The following CUL2 variants were observed in gnomAD, a reference collection of about 807,000 sequenced individuals.
The protein encoded by CUL2 is cullin 2.
A neutral mutation model predicts 110.2 loss-of-function variants in CUL2; 22 were observed. The ratio of observed to expected loss-of-function variants is 0.20; its 90% CI spans 0.14 to 0.28. The LOEUF is 0.28. CUL2 is among the 10% of genes least tolerant of loss of function. CUL2 has a pLI of 1.00. For synonymous variants in CUL2, 279 were observed against 293.2 expected, an observed-to-expected ratio of 0.95 and a Z score of 0.49; for missense variants, 631 against 905.5, an observed-to-expected ratio of 0.70 and a Z score of 3.89.
chr10:35,069,927 T>A (rs1054456144), intron 2 of CUL2, among the ~76,000 whole-genome samples: 6 of 152,172 alleles, frequency 3.9e-5, no homozygotes, highest in African/African-American at 1.4e-4. Context: ...CCCAAATCAA[T>A]CCATAATGTT....
chr10:35,083,714 C>A (rs1036120542), intron 1 of CUL2, among the ~76,000 whole-genome samples: 9 of 152,134 alleles, frequency 5.9e-5, no homozygotes, highest in Non-Finnish European at 8.8e-5. Flanking sequence ...GATTATAAAC[C>A]ATAGGCGGGT....
intron 1 of CUL2, among the ~76,000 whole-genome samples, chr10:35,073,397 A>T (rs1045260558): frequency 6.6e-6 from 1 of 151,998 alleles, no homozygotes; most frequent in African/African-American, 2.4e-5. Context: ...TATTTCCTGA[A>T]TCCATCCATA....
At chr10:35,024,245 G>A (rs561786647) in intron 17 of CUL2, among the ~76,000 whole-genome samples, 65 of 152,164 alleles carry the variant, frequency 4.3e-4, no homozygotes, top group African/African-American at 1.5e-3. Context: ...AGTAAAGATC[G>A]ACTTATATAA....
At position 35,009,203 on chromosome 10, in the gene CUL2, AT is replaced by A. The variant is rs2084836405; in HGVS notation, c.*1107del. 7.8e-6 allele frequency: 1 copy of A among 127,476 alleles called. No individual in the cohort carries two copies. Among genetic ancestry groups the A allele is most frequent in the African/African-American group, 3.5e-5 (1 of 28,692 alleles). The allele number at this position is 127,476 out of a possible 1,614,324, so 7.9% of individuals were successfully genotyped here. On this transcript the variant is annotated 3_prime_UTR_variant, in exon 21 of 21. Transcript: ENST00000374749. ...GTTGAGATATATATATATATATATT[AT>A]ATATATATATATATATAAAATAAAC...
At chr10:35,109,654 G>T (rs750984751) in intron 1 of CUL2, among the ~76,000 whole-genome samples, 1 of 152,226 alleles carries the variant, frequency 6.6e-6, no homozygotes, top group Admixed American at 6.5e-5. Flanking sequence ...TTTCCAAACA[G>T]TGGGAGCAGC....
intron 1 of CUL2, among the ~76,000 whole-genome samples, chr10:35,080,212 G>A (rs1158905424): frequency 6.6e-6 from 1 of 152,104 alleles, no homozygotes; most frequent in Non-Finnish European, 1.5e-5. Context: ...GACCAAATAT[G>A]TTGCCATCAT....
chr10:35,012,991 T>C (rs2084941469), intron 19 of CUL2, among the ~76,000 whole-genome samples: 1 of 152,172 alleles, frequency 6.6e-6, no homozygotes, highest in Non-Finnish European at 1.5e-5. Context: ...CCCAGGTGGC[T>C]CATTTGCATA....
chr10:35,109,480 A>G (rs1814686867), intron 1 of CUL2, among the ~76,000 whole-genome samples: 1 of 152,244 alleles, frequency 6.6e-6, no homozygotes, highest in Non-Finnish European at 1.5e-5. Flanking sequence ...AATGACAAAG[A>G]TAATTTTGTC....
chr10:35,102,953 A>G (rs1245281421), intron 1 of CUL2, among the ~76,000 whole-genome samples: 1 of 152,102 alleles, frequency 6.6e-6, no homozygotes, highest in Admixed American at 6.6e-5. Flanking sequence ...ACAATACTCC[A>G]ATTATTAAAA....
intron 17 of CUL2, among the ~76,000 whole-genome samples, chr10:35,018,180 G>T (rs1444456870): frequency 6.7e-6 from 1 of 149,522 alleles, no homozygotes; most frequent in Non-Finnish European, 1.5e-5. Flanking sequence ...CCAGCTACTC[G>T]GGAGGCTGAG....
At chr10:35,074,099 A>G in intron 1 of CUL2, 2 of 1,215,456 alleles carry the variant, frequency 1.6e-6, no homozygotes, top group Non-Finnish European at 2.3e-6. Context: ...GCACCATTCC[A>G]AGCTCTGAGG....
chr10:35,043,943 CTG>C (rs1372330777), intron 8 of CUL2, among the ~76,000 whole-genome samples: 1 of 149,622 alleles, frequency 6.7e-6, no homozygotes, highest in Non-Finnish European at 1.5e-5. Flanking sequence ...TGGTGTGTGC[CTG>C]TAGTCCCAGC....
chr10:35,025,633 A>C (rs1341755597), intron 16 of CUL2, among the ~76,000 whole-genome samples: 1 of 152,186 alleles, frequency 6.6e-6, no homozygotes, highest in African/African-American at 2.4e-5. Flanking sequence ...TTAGACACAA[A>C]TACGAAGTTT....
intron 1 of CUL2, among the ~76,000 whole-genome samples, chr10:35,082,889 G>A (rs2086975975): frequency 6.6e-6 from 1 of 152,108 alleles, no homozygotes; most frequent in Non-Finnish European, 1.5e-5. Context: ...TGAGCATGGT[G>A]GCTCATGCTT....
chr10:35,109,630 T>C (rs562310611), intron 1 of CUL2, among the ~76,000 whole-genome samples: 7 of 152,256 alleles, frequency 4.6e-5, no homozygotes, highest in African/African-American at 1.7e-4. Flanking sequence ...CCCACAAACA[T>C]TTGCAGAACA....
chr10:35,029,477 C>G lies in CUL2; in HGVS notation c.1539+11G>C. ...ATTAGTAAATGCTCATAGTAAAACA[C>G]ATATTCATACCTGTAGAACATATAT... On this transcript the variant is annotated intron_variant, in intron 15 of 20. Coordinates refer to ENST00000374749, the MANE Select transcript of CUL2 (RefSeq NM_003591.4). 6.7e-7 allele frequency: 1 copy of G among 1,482,732 alleles called. No individual in the cohort carries two copies. The highest frequency in any genetic ancestry group is 9.1e-7 in the Non-Finnish European group (1 of 1,099,454). 91.8% of individuals were successfully genotyped at this position (1,482,732 alleles called of 1,614,324 possible). A position where few individuals can be genotyped will look rare whatever the true frequency, so the allele number is the denominator to read the frequency against.
intron 6 of CUL2, among the ~76,000 whole-genome samples, chr10:35,045,657 C>T (rs2085918815): frequency 6.6e-6 from 1 of 151,806 alleles, no homozygotes; most frequent in African/African-American, 2.4e-5. Flanking sequence ...GTCGAGGCTA[C>T]AGTGAGCCAC....
At chr10:35,095,358 T>G (rs2087281158), upstream of CUL2, among the ~76,000 whole-genome samples, 1 of 152,068 alleles carries the variant, frequency 6.6e-6, no homozygotes, top group Non-Finnish European at 1.5e-5. Context: ...AATACATGCT[T>G]TTTGTAAAAA....
chr10:35,021,925 G>GTGGGGT (rs1433310048), intron 17 of CUL2, among the ~76,000 whole-genome samples: 1 of 149,834 alleles, frequency 6.7e-6, no homozygotes, highest in Non-Finnish European at 1.5e-5. Flanking sequence ...GTGGGGCGAG[G>GTGGGGT]GGGCACCCGG....
Sources: allele counts gnomAD v4.1 joint callset (sites outside exome capture counted in the v4.1 genomes callset), GRCh38; gene constraint gnomAD v4.1.1; transcripts MANE v1.5; gene names NCBI Gene and HGNC (gene_info 2026-07-23, HGNC 2026-07-21).